The following KCNT2 variants were observed in gnomAD, a reference collection of about 807,000 sequenced individuals.
The protein encoded by KCNT2 is potassium sodium-activated channel subfamily T member 2.
In KCNT2, 67 loss-of-function variants were observed where a neutral mutation model predicts 153.8. That is an observed-to-expected ratio of 0.44 (90% CI 0.36 to 0.53). The LOEUF (loss-of-function observed/expected upper bound fraction) is 0.53. Among genes scored for constraint, KCNT2 ranks in the 20% least tolerant of loss-of-function variants. The pLI, the probability that KCNT2 is intolerant of heterozygous loss-of-function variation, is 0.00. For missense variants in KCNT2, 975 were observed against 1,354.8 expected (o/e 0.72, Z 4.40); for synonymous variants, 500 against 458.8 (o/e 1.09, Z -1.15).
intron 3 of KCNT2, among the ~76,000 whole-genome samples, chr1:196,482,732 A>G (rs1679111408): frequency 6.6e-6 from 1 of 152,116 alleles, no homozygotes; most frequent in African/African-American, 2.4e-5. Flanking sequence ...CTTATTTGTA[A>G]CAGGACATAT....
intron 26 of KCNT2, among the ~76,000 whole-genome samples, chr1:196,242,355 T>G (rs1477323329): frequency 6.6e-6 from 1 of 152,076 alleles, no homozygotes; most frequent in African/African-American, 2.4e-5. Context: ...ACAGAAAGCC[T>G]AAAAGATTTT....
chr1:196,336,296 T>C (rs930090902), intron 16 of KCNT2, among the ~76,000 whole-genome samples: 4 of 152,112 alleles, frequency 2.6e-5, no homozygotes, highest in Non-Finnish European at 5.9e-5. Context: ...TATTACTTGC[T>C]GCACATCATC....
chr1:196,390,445 G>A (rs918532876), intron 13 of KCNT2, among the ~76,000 whole-genome samples: 6 of 151,470 alleles, frequency 4.0e-5, no homozygotes, highest in Admixed American at 2.0e-4. Flanking sequence ...GCTGCAGTCA[G>A]CTGATTTTTA....
At chr1:196,602,349 A>G (rs1664818021) in intron 1 of KCNT2, among the ~76,000 whole-genome samples, 1 of 152,234 alleles carries the variant, frequency 6.6e-6, no homozygotes, top group African/African-American at 2.4e-5. Flanking sequence ...GACATAGGCA[A>G]TACATAAATT....
At chr1:196,254,219 A>G (rs1461835707) in intron 26 of KCNT2, among the ~76,000 whole-genome samples, 1 of 151,452 alleles carries the variant, frequency 6.6e-6, no homozygotes, top group Non-Finnish European at 1.5e-5. Context: ...GAATGAGATT[A>G]ACATAAATCA....
chr1:196,584,191 A>AAAATAAAATAAAATCAAATC (rs1441056712), intron 1 of KCNT2, among the ~76,000 whole-genome samples: 1 of 151,600 alleles, frequency 6.6e-6, no homozygotes, highest in African/African-American at 2.4e-5. Context: ...AAAATAAAAT[A>AAAATAAAATAAAATCAAATC]AAAAGAATAG....
chr1:196,371,728 T>A (rs1668555919), intron 14 of KCNT2, among the ~76,000 whole-genome samples: 1 of 152,096 alleles, frequency 6.6e-6, no homozygotes, highest in Non-Finnish European at 1.5e-5. Flanking sequence ...TTTTTTAACT[T>A]ATGTGAAGTA....
intron 12 of KCNT2, among the ~76,000 whole-genome samples, chr1:196,402,962 G>T (rs1406772270): frequency 6.6e-6 from 1 of 151,576 alleles, no homozygotes; most frequent in Non-Finnish European, 1.5e-5. Flanking sequence ...ATTCATTGCT[G>T]GGAGGGAATG....
chr1:196,282,168 T>A (rs1210620311), intron 24 of KCNT2, 105 bp downstream of exon 24: 1 of 529,628 alleles, frequency 1.9e-6, no homozygotes, highest in East Asian at 3.0e-5. Context: ...GGATTCACAA[T>A]ACAAAAAATA....
At chr1:196,442,078 T>C (rs543724899) in intron 8 of KCNT2, among the ~76,000 whole-genome samples, 2 of 151,730 alleles carry the variant, frequency 1.3e-5, no homozygotes, top group Non-Finnish European at 2.9e-5. Context: ...GTCTGGAAAC[T>C]CCAATTCTAT....
Position 196,388,891 on chromosome 1 carries a change from G to T in KCNT2, c.1294+9672C>A, listed in dbSNP as rs1244013611. On this transcript the variant is annotated intron_variant, in intron 13 of 27. Transcript: ENST00000294725. ...TAACATTTATTTAATTTGCCTTATT[G>T]CACAGGTTAGGACCTTCAGTACAGT... 3.3e-5 allele frequency among the ~76,000 whole-genome samples: 5 copies of T among 151,640 alleles called. No individual in the cohort carries two copies. In the East Asian group the frequency reaches 9.7e-4, roughly 29 times the overall value.
chr1:196,260,607 A>T (rs904915717), intron 25 of KCNT2, among the ~76,000 whole-genome samples: 5 of 151,904 alleles, frequency 3.3e-5, no homozygotes, highest in African/African-American at 1.2e-4. Context: ...AGTAAAAAGA[A>T]ATGAGAAGAA....
intron 12 of KCNT2, among the ~76,000 whole-genome samples, chr1:196,411,463 A>C (rs1005789264): frequency 6.7e-6 from 1 of 150,126 alleles, no homozygotes; most frequent in East Asian, 2.0e-4. Context: ...AAAAAAAAAA[A>C]AAAAAACGGC....
intron 14 of KCNT2, among the ~76,000 whole-genome samples, chr1:196,358,472 T>C (rs1667354282): frequency 6.6e-6 from 1 of 151,908 alleles, no homozygotes; most frequent in Non-Finnish European, 1.5e-5. Flanking sequence ...TTTAAGCCTG[T>C]GGAAAAACAA....
At chr1:196,561,889 C>T (rs1186105245) in intron 1 of KCNT2, among the ~76,000 whole-genome samples, 1 of 151,594 alleles carries the variant, frequency 6.6e-6, no homozygotes, top group Non-Finnish European at 1.5e-5. Context: ...GTCTCCAGGT[C>T]ATAGAGGGAT....
chr1:196,305,169 T>C, intron 22 of KCNT2, 65 bp downstream of exon 22: 1 of 938,702 alleles, frequency 1.1e-6, no homozygotes. Context: ...TTTTTATATA[T>C]TTACAGAGTT....
intron 19 of KCNT2, among the ~76,000 whole-genome samples, chr1:196,324,618 CAT>C (rs1663662127): frequency 6.6e-6 from 1 of 152,006 alleles, no homozygotes; most frequent in Non-Finnish European, 1.5e-5. Context: ...TGATGACTGA[CAT>C]GTAGTAGTCA....
At chr1:196,251,935 C>A (rs1331671494) in intron 26 of KCNT2, among the ~76,000 whole-genome samples, 1 of 151,558 alleles carries the variant, frequency 6.6e-6, no homozygotes, top group South Asian at 2.1e-4. Flanking sequence ...TCCTTTTAAC[C>A]AATTTTGTTT....
chr1:196,537,772 T>C (rs1655779238), intron 1 of KCNT2, among the ~76,000 whole-genome samples: 1 of 152,192 alleles, frequency 6.6e-6, no homozygotes, highest in African/African-American at 2.4e-5. Context: ...GCTTATTGAT[T>C]GTCTCTCAGT....
Sources: allele counts gnomAD v4.1 joint callset (sites outside exome capture counted in the v4.1 genomes callset), GRCh38; gene constraint gnomAD v4.1.1; transcripts MANE v1.5; gene names NCBI Gene and HGNC (gene_info 2026-07-23, HGNC 2026-07-21).